Variants in ARHGEF26 observed in about 807,000 individuals in gnomAD.
ARHGEF26 encodes Rho guanine nucleotide exchange factor 26.
A neutral mutation model predicts 89.4 loss-of-function variants in ARHGEF26; 59 were observed. The observed-to-expected ratio is 0.66, with a 90% CI of 0.54 to 0.82. The LOEUF (loss-of-function observed/expected upper bound fraction) is 0.82. ARHGEF26 is among the 40% of genes least tolerant of loss of function. ARHGEF26 has a pLI of 0.00. For synonymous variants in ARHGEF26, 500 were observed against 428.4 expected (o/e 1.17, Z -2.06); for missense variants, 1,234 against 1,085.6 (o/e 1.14, Z -1.92).
rs898851018 is a variant in ARHGEF26, at chr3:154,122,376, A to G, written c.384A>G (p.Pro128=). The G allele has an allele frequency of 1.9e-6, 3 of 1,612,184 alleles. No homozygotes were observed. Among genetic ancestry groups the G allele is most frequent in the Non-Finnish European group, 1.7e-6 (2 of 1,179,528 alleles). Residue 128 remains proline, a synonymous_variant, in exon 2 of 15, where the codon CCA becomes CCG. Transcript: ENST00000465093. ...KAVPGGSPKS[P]ANGAVTLPAP... is the part of the protein sequence containing the mutation. Reference sequence around the variant, plus strand: ...TGCCTGGCGGCTCCCCGAAATCCCCAGCAAATGGCGCGGTGACCTTGCCTG... The same window carrying G: ...TGCCTGGCGGCTCCCCGAAATCCCCGGCAAATGGCGCGGTGACCTTGCCTG...
chr3:154,162,856 A>G (rs1365520234), intron 6 of ARHGEF26, among the ~76,000 whole-genome samples: 1 of 152,178 alleles, frequency 6.6e-6, no homozygotes, highest in Non-Finnish European at 1.5e-5. Context: ...AATGATTATG[A>G]AATATAAATT....
chr3:154,228,958 G>A (rs1716666970), intron 11 of ARHGEF26, among the ~76,000 whole-genome samples: 1 of 152,148 alleles, frequency 6.6e-6, no homozygotes, highest in Non-Finnish European at 1.5e-5. Flanking sequence ...TCTTCAGGGA[G>A]GTTTTTCAGC....
At chr3:154,149,733 A>G (rs968030850) in intron 5 of ARHGEF26, among the ~76,000 whole-genome samples, 1 of 152,160 alleles carries the variant, frequency 6.6e-6, no homozygotes, top group Non-Finnish European at 1.5e-5. Context: ...TGAAACCAAC[A>G]TTAGATCTTA....
chr3:154,243,146 A>G (rs892063715), intron 12 of ARHGEF26, among the ~76,000 whole-genome samples: 17 of 152,182 alleles, frequency 1.1e-4, no homozygotes, highest in African/African-American at 4.1e-4. Context: ...CAGAATTTTT[A>G]GTATGCCTGT....
rs751776947 is a variant in ARHGEF26, at chr3:154,122,220, G to A, written c.228G>A (p.Thr76=). The A allele has an allele frequency of 4.4e-6, 7 of 1,608,170 alleles. No homozygotes were observed. In the African/African-American group the frequency reaches 6.7e-5, roughly 15 times the overall value. Reference sequence around the variant, plus strand: ...TGCCCACCGCCTCGGACAGCAGGACGGTACATAGGAGCCCCCTGCTTCTGG... The same window carrying A: ...TGCCCACCGCCTCGGACAGCAGGACAGTACATAGGAGCCCCCTGCTTCTGG... ...AQVPTASDSR[T]VHRSPLLLGA... Residue 76 remains threonine, a synonymous_variant, in exon 2 of 15, where the codon ACG becomes ACA. Coordinates refer to ENST00000465093, the MANE Select transcript of ARHGEF26 (RefSeq NM_015595.4).
chr3:154,138,157 A>T (rs986600955), intron 4 of ARHGEF26, among the ~76,000 whole-genome samples: 1 of 152,170 alleles, frequency 6.6e-6, no homozygotes, highest in African/African-American at 2.4e-5. Flanking sequence ...TTACTGGGGG[A>T]GTGTCATACA....
intron 6 of ARHGEF26, among the ~76,000 whole-genome samples, chr3:154,154,398 A>G (rs1207653124): frequency 1.3e-5 from 2 of 152,054 alleles, no homozygotes; most frequent in African/African-American, 4.8e-5. Flanking sequence ...AAAAAAATCC[A>G]AATTTTTCTC....
intron 8 of ARHGEF26, among the ~76,000 whole-genome samples, chr3:154,193,393 CTG>C (rs1714068266): frequency 6.6e-6 from 1 of 152,222 alleles, no homozygotes; most frequent in African/African-American, 2.4e-5. Flanking sequence ...ATGGTGCACT[CTG>C]TGTTTCTCAC....
chr3:154,243,755 C>T (rs1415183296), intron 12 of ARHGEF26, among the ~76,000 whole-genome samples: 1 of 150,848 alleles, frequency 6.6e-6, no homozygotes, highest in East Asian at 1.9e-4. Flanking sequence ...CACCCCCACC[C>T]TCAATTACAG....
chr3:154,245,122 G>T (rs1393962952), intron 12 of ARHGEF26, among the ~76,000 whole-genome samples: 2 of 152,182 alleles, frequency 1.3e-5, no homozygotes, highest in African/African-American at 4.8e-5. Context: ...CCCCTTCACG[G>T]GTTCAAGTGA....
chr3:154,203,087 A>G (rs561238382), intron 9 of ARHGEF26, among the ~76,000 whole-genome samples: 115 of 152,214 alleles, frequency 7.6e-4, no homozygotes, highest in Non-Finnish European at 8.4e-4. Flanking sequence ...AGTTTTCAAA[A>G]GGAATGCTTC....
chr3:154,151,505 T>C (rs866160821), intron 5 of ARHGEF26, among the ~76,000 whole-genome samples: 3 of 152,206 alleles, frequency 2.0e-5, no homozygotes. Context: ...GAAATTTTTC[T>C]TTAATTCGCT....
At chr3:154,186,300 C>T (rs1273181038) in intron 6 of ARHGEF26, among the ~76,000 whole-genome samples, 3 of 151,926 alleles carry the variant, frequency 2.0e-5, no homozygotes, top group Non-Finnish European at 4.4e-5. Context: ...TCCAGGTAGC[C>T]AAAAACTGGA....
intron 9 of ARHGEF26, 81 bp downstream of exon 9, chr3:154,194,799 C>A: frequency 8.1e-7 from 1 of 1,230,150 alleles, no homozygotes; most frequent in South Asian, 1.3e-5. Flanking sequence ...TGGCTTGATG[C>A]TGAAAACTGG....
chr3:154,129,880 T>C (rs573930009), intron 4 of ARHGEF26, among the ~76,000 whole-genome samples, 161 bp downstream of exon 4: 1 of 152,326 alleles, frequency 6.6e-6, no homozygotes, highest in South Asian at 2.1e-4. Flanking sequence ...CCCGCACTAA[T>C]GAGAACATGA....
chr3:154,257,717 T>C lies in ARHGEF26; in HGVS notation c.*2244T>C, dbSNP rs963958225. On this transcript the variant is annotated 3_prime_UTR_variant, in exon 15 of 15. Coordinates refer to ENST00000465093, the MANE Select transcript of ARHGEF26 (RefSeq NM_015595.4). Reference sequence around the variant, plus strand: ...ATGGACACCTGCTCTGAATTGTACATTGACTTCATTACTAAAGAACAAAAA... The same window carrying C: ...ATGGACACCTGCTCTGAATTGTACACTGACTTCATTACTAAAGAACAAAAA... The C allele has an allele frequency of 6.6e-6, 1 of 152,166 alleles. No homozygotes were observed. Among genetic ancestry groups the C allele is most frequent in the East Asian group, 1.9e-4 (1 of 5,196 alleles). 9.4% of individuals were successfully genotyped at this position (152,166 alleles called of 1,614,324 possible).
At chr3:154,243,267 G>C (rs992667346) in intron 12 of ARHGEF26, among the ~76,000 whole-genome samples, 1 of 152,136 alleles carries the variant, frequency 6.6e-6, no homozygotes, top group Non-Finnish European at 1.5e-5. Flanking sequence ...CCCTTTCCCC[G>C]TATAGTTAGT....
At position 154,152,859 on chromosome 3, in the gene ARHGEF26, A is replaced by G. The variant is rs1720104377; in HGVS notation, c.1414A>G (p.Ser472Gly). The change falls in exon 6 of 15, where the codon AGT becomes GGT. Residue 472 changes from serine (S) to glycine (G), a missense_variant. Coordinates refer to ENST00000465093, the MANE Select transcript of ARHGEF26 (RefSeq NM_015595.4). ...IRMFKNSKELSDTMTKTERHH... is the reference protein window; with the variant it reads ...IRMFKNSKELGDTMTKTERHH... ...AATGTTTAAAAATTCTAAAGAACTG[A>G]GTGATACAATGACTAAAACCGAGAG... 1 of 1,593,294 alleles carries G rather than the reference A, an allele frequency of 6.3e-7. No homozygotes were observed. Among genetic ancestry groups the G allele is most frequent in the East Asian group, 2.3e-5 (1 of 44,268 alleles).
chr3:154,235,549 A>T (rs1252791811), intron 11 of ARHGEF26, among the ~76,000 whole-genome samples: 2 of 152,234 alleles, frequency 1.3e-5, no homozygotes. Context: ...ACTATCAGGT[A>T]GTCACTTCAG....
Sources: allele counts gnomAD v4.1 joint callset (sites outside exome capture counted in the v4.1 genomes callset), GRCh38; gene constraint gnomAD v4.1.1; transcripts MANE v1.5; gene names NCBI Gene and HGNC (gene_info 2026-07-23, HGNC 2026-07-21).